Variants in MPST observed in about 807,000 individuals in gnomAD.
MPST encodes the protein mercaptopyruvate sulfurtransferase, also known as 3-mercaptopyruvate sulfurtransferase.
MPST carries 27 observed loss-of-function variants against 28.5 expected under a neutral mutation model. The ratio of observed to expected loss-of-function variants is 0.95; its 90% CI spans 0.70 to 1.31. The LOEUF is 1.31. Among genes scored for constraint, MPST ranks in the 50% most tolerant of loss-of-function variants. The pLI, the probability that MPST is intolerant of heterozygous loss-of-function variation, is 0.00. For missense variants in MPST, 492 were observed against 471.1 expected, an observed-to-expected ratio of 1.04 and a Z score of -0.41; for synonymous variants, 204 against 209.3, an observed-to-expected ratio of 0.97 and a Z score of 0.22.
Position 37,024,446 on chromosome 22 carries a change from CG to C in MPST, c.295del (p.Ala99ProfsTer20). 6.5e-7 allele frequency: 1 copy of C among 1,547,830 alleles called. No homozygotes were observed. The highest frequency in any genetic ancestry group is 8.7e-7 in the Non-Finnish European group (1 of 1,145,492). On this transcript the variant is annotated frameshift_variant, in exon 2 of 3. Transcript: ENST00000429360. LOFTEE classifies it high-confidence loss of function. ...RTSPYDHMLPGAEHFAEYAGR... is the reference protein window; with the variant it reads ...RTSPYDHMLPXAEHFAEYAGR... ...CCTCGCCCTACGACCACATGCTGCCCGGGGCCGAGCATTTCGCGGAGTACGC... is the reference window on the plus strand; with the variant it reads ...CCTCGCCCTACGACCACATGCTGCCCGGGCCGAGCATTTCGCGGAGTACGC...
intron 2 of MPST, chr22:37,027,793 T>C (rs146840752): frequency 6.6e-6 from 1 of 152,232 alleles, no homozygotes; most frequent in Non-Finnish European, 1.5e-5. Context: ...CCTGGGATGC[T>C]CTAGGCCTCC....
intron 2 of MPST, chr22:37,026,248 C>G (rs1044171674): frequency 2.6e-5 from 4 of 152,152 alleles, no homozygotes; most frequent in African/African-American, 9.7e-5. Flanking sequence ...GACGGGTCAT[C>G]TAATGTCTCT....
chr22:37,022,158 G>C (rs760598600), intron 1 of MPST, among the ~76,000 whole-genome samples: 2 of 152,086 alleles, frequency 1.3e-5, no homozygotes, highest in African/African-American at 4.8e-5. Context: ...GTGCTGTAAC[G>C]CAGATAATGG....
intron 1 of MPST, among the ~76,000 whole-genome samples, chr22:37,021,586 C>T (rs559264976): frequency 6.6e-6 from 1 of 152,226 alleles, no homozygotes; most frequent in East Asian, 1.9e-4. Flanking sequence ...GATTCTCCTG[C>T]CTCAGCCTCC....
chr22:37,029,125 G>A (rs1168319106), intron 2 of MPST, 91 bp from the exon 3 acceptor site: 12 of 1,183,750 alleles, frequency 1.0e-5, no homozygotes, highest in Non-Finnish European at 1.4e-5. Context: ...TGCTTGCATG[G>A]GATGCTCTCA....
rs531305334 is a variant in MPST, at chr22:37,019,818, G to C, written c.-19G>C. The C allele has an allele frequency of 1.3e-5, 15 of 1,178,480 alleles. No homozygotes were observed. In the African/African-American group the frequency reaches 2.0e-4, roughly 16 times the overall value. The allele number at this position is 1,178,480 out of a possible 1,614,324, so 73.0% of individuals were successfully genotyped here. On this transcript the variant is annotated 5_prime_UTR_variant, in exon 1 of 3. Coordinates refer to ENST00000429360, the MANE Select transcript of MPST (RefSeq NM_021126.8). ...GGACAGCTGCGGGCGCGGGGAGGGG[G>C]CGCCGCGCCGCGGGGGCCATGGCGG...
rs1307509506 is a variant in MPST at position 37,024,282 on chromosome 22, C to T, written c.127C>T (p.Pro43Ser). ...AQWVAEALRAPRAGQPLQLLD... is the reference protein window; with the variant it reads ...AQWVAEALRASRAGQPLQLLD... ...ATGGGTGGCGGAGGCGCTGCGGGCC[C>T]CGCGCGCTGGGCAGCCTCTGCAGCT... Residue 43 changes from proline to serine, a missense_variant, in exon 2 of 3, where the codon CCG becomes TCG. By Grantham distance (74) the Pro-to-Ser change is moderately conservative. Transcript: ENST00000429360. The T allele has an allele frequency of 1.7e-5, 25 of 1,506,264 alleles. No homozygotes were observed. The highest frequency in any genetic ancestry group is 2.1e-5 in the Non-Finnish European group (24 of 1,133,608). The allele number at this position is 1,506,264 out of a possible 1,614,324, so 93.3% of individuals were successfully genotyped here.
Position 37,022,157 on chromosome 22 carries a change from C to T in MPST, c.37-2035C>T, listed in dbSNP as rs150146460. Among the ~76,000 whole-genome samples, 51 of 152,202 alleles carry T rather than the reference C, an allele frequency of 3.4e-4. No homozygotes were observed. In the East Asian group the frequency reaches 8.7e-3, roughly 26 times the overall value. On this transcript the variant is annotated intron_variant, in intron 1 of 2. Coordinates refer to ENST00000429360, the MANE Select transcript of MPST (RefSeq NM_021126.8). ...ACAGCGCCCCCTAGCTGTGCTGTAA[C>T]GCAGATAATGGGGATCACCCCTTAG...
chr22:37,024,351 C>T lies in MPST; in HGVS notation c.196C>T (p.Arg66Ter). 6.5e-7 allele frequency: 1 copy of T among 1,542,610 alleles called. No individual in the cohort carries two copies. The highest frequency in any genetic ancestry group is 8.7e-7 in the Non-Finnish European group (1 of 1,145,592). ...CCTGCCGAAGCTGGGGCGCGACGCGCGACGCGAGTTCGAGGAGCGCCACAT... is the reference window on the plus strand; with the variant it reads ...CCTGCCGAAGCTGGGGCGCGACGCGTGACGCGAGTTCGAGGAGCGCCACAT... ...WYLPKLGRDA[R>*]REFEERHIPG... Residue 66 changes from arginine (R) to a stop codon, truncating the protein, a stop_gained, in exon 2 of 3, where the codon CGA (arginine) becomes TGA (stop). Transcript: ENST00000429360. LOFTEE classifies it high-confidence loss of function.
In MPST at chr22:37,029,353, G is replaced by A. The variant is rs762471056; in HGVS notation, c.793G>A (p.Val265Met). The change falls in exon 3 of 3, where the codon GTG (valine) becomes ATG (methionine). Residue 265 changes from valine to methionine, a missense_variant. Transcript: ENST00000429360. ...EKKVDLSKPL[V>M]ATCGSGVTAC... The stretch of plus-strand genomic sequence containing the variant: ...GAAAGTGGACCTGTCTAAGCCACTG[G>A]TGGCCACGTGTGGCTCTGGCGTCAC... 6.2e-7 allele frequency: 1 copy of A among 1,614,086 alleles called. No homozygotes were observed. Among genetic ancestry groups the A allele is most frequent in the East Asian group, 2.2e-5 (1 of 44,870 alleles).
intron 1 of MPST, 44 bp from the exon 2 acceptor site, chr22:37,024,148 C>T: frequency 3.7e-6 from 5 of 1,360,694 alleles, no homozygotes; most frequent in Non-Finnish European, 4.7e-6. Flanking sequence ...GCCCCAACAG[C>T]GGCCTCTCCC....
Position 37,024,739 on chromosome 22 carries a change from C to A in MPST, c.584C>A (p.Ser195Tyr), listed in dbSNP as rs556176978. The A allele has an allele frequency of 1.8e-4, 282 of 1,601,052 alleles. 1 individual carries two copies. In the South Asian group the frequency reaches 3.1e-3, roughly 17 times the overall value. Residue 195 changes from serine (S) to tyrosine (Y), a missense_variant, in exon 2 of 3, where the codon TCC (serine) becomes TAC (tyrosine). Ser to Tyr is a moderately radical substitution (Grantham distance 144). Transcript: ENST00000429360. ...TYEDIKENLESRRFQVVDSRA... is the reference protein window; with the variant it reads ...TYEDIKENLEYRRFQVVDSRA... The stretch of plus-strand genomic sequence containing the variant: ...GAGGACATCAAGGAGAACCTGGAAT[C>A]CCGGCGCTTCCAGGTGGTGGACTCC...
At chr22:37,025,305 T>G in intron 2 of MPST, 1 of 512,414 alleles carries the variant, frequency 2.0e-6, no homozygotes, top group East Asian at 7.1e-5. Context: ...CACTGTGGAA[T>G]GTTGGGGGGC....
At position 37,024,473 on chromosome 22, in the gene MPST, A is replaced by T; in HGVS notation, c.318A>T (p.Ala106=). 6.4e-7 allele frequency: 1 copy of T among 1,557,872 alleles called. No individual in the cohort carries two copies. Among genetic ancestry groups the T allele is most frequent in the Non-Finnish European group, 8.7e-7 (1 of 1,153,252 alleles). ...LPGAEHFAEY[A]GRLGVGAATH... ...GGGCCGAGCATTTCGCGGAGTACGCAGGCCGCCTGGGCGTGGGCGCGGCCA... is the reference window on the plus strand; with the variant it reads ...GGGCCGAGCATTTCGCGGAGTACGCTGGCCGCCTGGGCGTGGGCGCGGCCA... Residue 106 remains alanine, a synonymous_variant, in exon 2 of 3, where the codon GCA becomes GCT. Coordinates refer to ENST00000429360, the MANE Select transcript of MPST (RefSeq NM_021126.8).
intron 1 of MPST, chr22:37,020,170 C>T (rs1922966422): frequency 5.6e-6 from 2 of 357,716 alleles, no homozygotes; most frequent in East Asian, 8.0e-5. Context: ...ACCCAGAGGC[C>T]CCAGGAAGAG....
intron 2 of MPST, chr22:37,027,582 T>G (rs1923618548): frequency 6.6e-6 from 1 of 151,812 alleles, no homozygotes. Context: ...AAAGTAACAG[T>G]AAAAAAGTAA....
chr22:37,019,833 G>A lies in MPST; in HGVS notation c.-4G>A. On this transcript the variant is annotated 5_prime_UTR_variant, in exon 1 of 3. Transcript: ENST00000429360. ...CGGGGAGGGGGCGCCGCGCCGCGGG[G>A]GCCATGGCGGAGCCAGGAAGCCGGG... 8.3e-7 allele frequency: 1 copy of A among 1,210,020 alleles called. No homozygotes were observed. The highest frequency in any genetic ancestry group is 4.2e-5 in the Admixed American group (1 of 23,658). 75.0% of individuals were successfully genotyped at this position (1,210,020 alleles called of 1,614,324 possible). A position where few individuals can be genotyped will look rare whatever the true frequency, so the allele number is the denominator to read the frequency against.
chr22:37,029,270 T>C lies in MPST; in HGVS notation c.710T>C (p.Leu237Pro), dbSNP rs1923730607. 3 of 1,614,052 alleles carry C rather than the reference T, an allele frequency of 1.9e-6. No individual in the cohort carries two copies. The highest frequency in any genetic ancestry group is 2.5e-6 in the Non-Finnish European group (3 of 1,180,038). Residue 237 changes from leucine to proline, a missense_variant, in exon 3 of 3, where the codon CTG (leucine) becomes CCG (proline). Transcript: ENST00000429360. ...GTGAACATCCCCTTCACAGACTTCC[T>C]GAGCCAGGAGGGGCTGGAGAAGAGC... is the stretch of plus-strand genomic sequence containing the variant. ...GTVNIPFTDF[L>P]SQEGLEKSPE... is the part of the protein sequence containing the mutation.
chr22:37,024,372 C>T lies in MPST; in HGVS notation c.217C>T (p.His73Tyr). 6.5e-7 allele frequency: 1 copy of T among 1,544,984 alleles called. No homozygotes were observed. Among genetic ancestry groups the T allele is most frequent in the Non-Finnish European group, 8.7e-7 (1 of 1,145,824 alleles). ...RDARREFEER[H>Y]IPGAAFFDID... The stretch of plus-strand genomic sequence containing the variant: ...CGCGCGACGCGAGTTCGAGGAGCGC[C>T]ACATCCCGGGCGCCGCTTTCTTCGA... Residue 73 changes from histidine (H) to tyrosine (Y), a missense_variant, in exon 2 of 3, where the codon CAC (histidine) becomes TAC (tyrosine). Physicochemically the swap from His to Tyr is moderately conservative, Grantham distance 83. Coordinates refer to ENST00000429360, the MANE Select transcript of MPST (RefSeq NM_021126.8).
Sources: allele counts gnomAD v4.1 joint callset (sites outside exome capture counted in the v4.1 genomes callset), GRCh38; gene constraint gnomAD v4.1.1; transcripts MANE v1.5; gene names NCBI Gene and HGNC (gene_info 2026-07-23, HGNC 2026-07-21).